Variants in CNTNAP2 observed in about 807,000 individuals in gnomAD.
CNTNAP2 encodes contactin-associated protein-like 2.
Under a neutral mutation model 155.2 loss-of-function variants are expected in CNTNAP2, and 98 were observed. The observed-to-expected ratio is 0.63, with a 90% CI of 0.54 to 0.75. CNTNAP2 has a LOEUF of 0.75. Ranked by LOEUF, CNTNAP2 falls within the 30% of genes least tolerant of loss-of-function variation. The probability of loss-of-function intolerance (pLI) is 0.00; values close to 1 mark genes in which losing one functional copy is unlikely to be tolerated. For missense variants in CNTNAP2, 1,727 were observed against 1,688.1 expected, an observed-to-expected ratio of 1.02 and a Z score of -0.40; for synonymous variants, 651 against 631.2, an observed-to-expected ratio of 1.03 and a Z score of -0.47.
chr7:146,919,544 C>T (rs577270904), intron 3 of CNTNAP2, among the ~76,000 whole-genome samples: 83 of 152,268 alleles, frequency 5.5e-4, no homozygotes, highest in African/African-American at 8.7e-4. Context: ...GATCCATCTT[C>T]GGGTCTTTCA....
intron 12 of CNTNAP2, among the ~76,000 whole-genome samples, chr7:147,631,579 T>G (rs1175080161): frequency 6.6e-6 from 1 of 152,180 alleles, no homozygotes; most frequent in Non-Finnish European, 1.5e-5. Flanking sequence ...TAATTAAAAC[T>G]ATTCTACAAG....
intron 13 of CNTNAP2, among the ~76,000 whole-genome samples, chr7:147,816,436 GAA>G (rs112275689): frequency 6.6e-6 from 1 of 151,930 alleles, no homozygotes; most frequent in Non-Finnish European, 1.5e-5. Flanking sequence ...CTGATATGAT[GAA>G]AAAAATGACA....
chr7:148,196,110 G>T (rs1795273480), intron 18 of CNTNAP2, among the ~76,000 whole-genome samples: 1 of 152,172 alleles, frequency 6.6e-6, no homozygotes, highest in Admixed American at 6.5e-5. Context: ...TTTTTAAAGA[G>T]TTTCTAGGAG....
chr7:146,794,820 A>G (rs1456680421), intron 2 of CNTNAP2, among the ~76,000 whole-genome samples: 1 of 152,204 alleles, frequency 6.6e-6, no homozygotes, highest in Non-Finnish European at 1.5e-5. Flanking sequence ...TACTCTAAAC[A>G]CCATTTTCAC....
At chr7:146,967,350 T>G (rs1350338896) in intron 3 of CNTNAP2, among the ~76,000 whole-genome samples, 1 of 152,178 alleles carries the variant, frequency 6.6e-6, no homozygotes, top group Non-Finnish European at 1.5e-5. Flanking sequence ...GTGAAGAAAG[T>G]CATTGGTAGC....
intron 21 of CNTNAP2, among the ~76,000 whole-genome samples, chr7:148,318,381 A>G (rs1256495791): frequency 6.6e-6 from 1 of 152,216 alleles, no homozygotes; most frequent in African/African-American, 2.4e-5. Context: ...AATGAGCATA[A>G]CACATCTGTG....
intron 4 of CNTNAP2, among the ~76,000 whole-genome samples, chr7:147,066,043 A>C (rs537508333): frequency 1.0e-3 from 156 of 152,306 alleles, no homozygotes; most frequent in Non-Finnish European, 2.0e-3. Context: ...AAAAACAAAG[A>C]AACAAAAAAC....
chr7:147,049,316 CAT>C (rs1318267116), intron 4 of CNTNAP2, among the ~76,000 whole-genome samples: 10 of 152,248 alleles, frequency 6.6e-5, no homozygotes, highest in Admixed American at 2.0e-4. Context: ...GAAAAATATA[CAT>C]GTTTACATTT....
chr7:148,105,487 C>T (rs1164057133), intron 15 of CNTNAP2, among the ~76,000 whole-genome samples: 2 of 152,094 alleles, frequency 1.3e-5, no homozygotes, highest in African/African-American at 4.8e-5. Context: ...GCCATGTCAC[C>T]GAGCTTGCAA....
At chr7:146,133,601 G>A (rs1188566812) in intron 1 of CNTNAP2, among the ~76,000 whole-genome samples, 1 of 152,062 alleles carries the variant, frequency 6.6e-6, no homozygotes, top group Non-Finnish European at 1.5e-5. Context: ...TAAGGTGTAA[G>A]GAAGGGATCC....
At chr7:147,492,724 C>T (rs534613330) in intron 11 of CNTNAP2, among the ~76,000 whole-genome samples, 12 of 152,256 alleles carry the variant, frequency 7.9e-5, no homozygotes, top group South Asian at 2.1e-4. Flanking sequence ...TCCTCAAACA[C>T]GCTTGCTGCA....
At chr7:146,731,095 A>C (rs1293681249) in intron 1 of CNTNAP2, among the ~76,000 whole-genome samples, 1 of 152,194 alleles carries the variant, frequency 6.6e-6, no homozygotes, top group African/African-American at 2.4e-5. Context: ...GCATTGAGCA[A>C]GTTAAATGAT....
chr7:147,143,219 C>T (rs183918014), intron 8 of CNTNAP2, among the ~76,000 whole-genome samples: 70 of 152,242 alleles, frequency 4.6e-4, no homozygotes, highest in Non-Finnish European at 7.5e-4. Flanking sequence ...CAAGTCCATT[C>T]CACACATTTC....
rs1401782503 is a variant in CNTNAP2, at chr7:148,168,905, AT to A, written c.2774-3336del. Among the ~76,000 whole-genome samples, 21 of 152,308 alleles carry A rather than the reference AT, an allele frequency of 1.4e-4. No individual in the cohort carries two copies. In the East Asian group the frequency reaches 3.9e-3, roughly 28 times the overall value. On this transcript the variant is annotated intron_variant, in intron 17 of 23. Coordinates refer to ENST00000361727, the MANE Select transcript of CNTNAP2 (RefSeq NM_014141.6). ...TAGAAGAAAATATGGTTGAATAATC[AT>A]ATTATTTTGTATTGTAGAAGGTCTT...
chr7:146,910,402 G>C (rs377061321), intron 3 of CNTNAP2, among the ~76,000 whole-genome samples: 4,749 of 139,606 alleles, frequency 0.034, 168 homozygotes, highest in African/African-American at 0.074. Flanking sequence ...TGACTTCAAA[G>C]TATACTACAA....
intron 13 of CNTNAP2, among the ~76,000 whole-genome samples, chr7:147,718,440 G>A (rs986546134): frequency 3.9e-5 from 6 of 152,106 alleles, no homozygotes; most frequent in Non-Finnish European, 7.4e-5. Flanking sequence ...GGTTTTAACT[G>A]ACTCTATAAT....
chr7:146,545,904 C>T (rs1039720346), intron 1 of CNTNAP2, among the ~76,000 whole-genome samples: 2 of 151,786 alleles, frequency 1.3e-5, no homozygotes, highest in Non-Finnish European at 2.9e-5. Flanking sequence ...GCACTATTTA[C>T]AATATTCAGA....
At chr7:147,898,417 A>G (rs1799807428) in intron 13 of CNTNAP2, among the ~76,000 whole-genome samples, 1 of 152,012 alleles carries the variant, frequency 6.6e-6, no homozygotes, top group Admixed American at 6.6e-5. Flanking sequence ...TAACTTTATG[A>G]TTTTCCTCAC....
At chr7:147,607,976 C>A (rs952771635) in intron 12 of CNTNAP2, among the ~76,000 whole-genome samples, 1 of 152,080 alleles carries the variant, frequency 6.6e-6, no homozygotes, top group Non-Finnish European at 1.5e-5. Context: ...TGAAAATGAA[C>A]GTTTACATTT....
Sources: gnomAD v4.1 joint callset for allele counts (sites outside exome capture counted in the v4.1 genomes callset) on GRCh38, gnomAD v4.1.1 for gene constraint, MANE v1.5 for transcripts, NCBI Gene and HGNC (gene_info 2026-07-23, HGNC 2026-07-21) for gene names.